Variants in PLCB1 observed in about 807,000 individuals in gnomAD.
The protein encoded by PLCB1 is phospholipase C beta 1.
Under a neutral mutation model 161.8 loss-of-function variants are expected in PLCB1, and 46 were observed. The ratio of observed to expected loss-of-function variants is 0.28; its 90% confidence interval spans 0.22 to 0.36. PLCB1 has a LOEUF of 0.36. PLCB1 is among the 10% of genes least tolerant of loss of function. The pLI is 1.00. For synonymous variants in PLCB1, 517 were observed against 503.7 expected, an observed-to-expected ratio of 1.03 and a Z score of -0.35; for missense variants, 1,016 against 1,472.5, an observed-to-expected ratio of 0.69 and a Z score of 5.07.
At chr20:8,312,215 AC>A (rs888694162) in intron 2 of PLCB1, among the ~76,000 whole-genome samples, 2 of 152,052 alleles carry the variant, frequency 1.3e-5, no homozygotes, top group Non-Finnish European at 2.9e-5. Flanking sequence ...CTACCCACCC[AC>A]CAATGACATC....
intron 31 of PLCB1, among the ~76,000 whole-genome samples, chr20:8,875,138 ATTTC>A (rs1475639073): frequency 6.6e-6 from 1 of 151,270 alleles, no homozygotes; most frequent in South Asian, 2.1e-4. Flanking sequence ...TTTGTATTTT[ATTTC>A]TTTTCCTATG....
intron 2 of PLCB1, among the ~76,000 whole-genome samples, chr20:8,261,275 G>A (rs892613051): frequency 2.6e-5 from 4 of 152,084 alleles, no homozygotes; most frequent in African/African-American, 9.7e-5. Context: ...GAGAGAGAGA[G>A]AGAAAGAGAA....
At chr20:8,354,335 A>C (rs1418244595) in intron 2 of PLCB1, among the ~76,000 whole-genome samples, 2 of 152,192 alleles carry the variant, frequency 1.3e-5, no homozygotes, top group African/African-American at 4.8e-5. Context: ...ACTAAAAACA[A>C]AATCTAAAAG....
At position 8,428,697 on chromosome 20, in the gene PLCB1, T is replaced by A. The variant is rs571385036; in HGVS notation, c.246+57247T>A. Among the ~76,000 whole-genome samples, 19 of 152,240 alleles carry A rather than the reference T, an allele frequency of 1.2e-4. No individual in the cohort carries two copies. The South Asian group carries it at 3.3e-3, about 27-fold the overall frequency. ...AGCCATGTAGAGGAATTGTGGCCGA[T>A]TGAATAGGAAGTTCTACCTGGTTCA... is the stretch of plus-strand genomic sequence containing the variant. On this transcript the variant is annotated intron_variant, in intron 3 of 31. Coordinates refer to ENST00000338037, the MANE Select transcript of PLCB1 (RefSeq NM_015192.4).
chr20:8,264,721 G>A (rs1981868696), intron 2 of PLCB1, among the ~76,000 whole-genome samples: 1 of 151,904 alleles, frequency 6.6e-6, no homozygotes, highest in Non-Finnish European at 1.5e-5. Context: ...GCACATGACT[G>A]TGTGTGTGTA....
At chr20:8,296,433 T>C (rs1568621570) in intron 2 of PLCB1, among the ~76,000 whole-genome samples, 1 of 152,170 alleles carries the variant, frequency 6.6e-6, no homozygotes, top group East Asian at 1.9e-4. Flanking sequence ...AGGACAAGTA[T>C]ATGCCCTCCA....
chr20:8,548,327 TTCTTTC>T (rs1170312965), intron 3 of PLCB1, among the ~76,000 whole-genome samples: 1 of 143,404 alleles, frequency 7.0e-6, no homozygotes, highest in African/African-American at 2.7e-5. Context: ...CCATCATTTT[TTCTTTC>T]TCTTTGTTTC....
At chr20:8,574,025 T>C (rs911960487) in intron 3 of PLCB1, among the ~76,000 whole-genome samples, 1 of 152,246 alleles carries the variant, frequency 6.6e-6, no homozygotes, top group Non-Finnish European at 1.5e-5. Context: ...GTTTGAAACA[T>C]ACAAATTAGA....
chr20:8,551,222 A>G (rs896246293), intron 3 of PLCB1, among the ~76,000 whole-genome samples: 2 of 152,160 alleles, frequency 1.3e-5, no homozygotes, highest in Admixed American at 1.3e-4. Flanking sequence ...AGGAAAAAAA[A>G]CATGATCTCT....
At position 8,542,988 on chromosome 20, in the gene PLCB1, A is replaced by G. The variant is rs529776442; in HGVS notation, c.247-85306A>G. ...GGCAGGCCATATCAAGGCATGGAGA[A>G]TACAGTGGTAAACAGAACAGATCAA... On this transcript the variant is annotated intron_variant, in intron 3 of 31. Coordinates refer to ENST00000338037, the MANE Select transcript of PLCB1 (RefSeq NM_015192.4). Among the ~76,000 whole-genome samples, 7 of 152,334 alleles carry G rather than the reference A, an allele frequency of 4.6e-5. No homozygotes were observed. In the South Asian group the frequency reaches 1.4e-3, roughly 32 times the overall value.
chr20:8,240,636 A>G (rs182366502), intron 2 of PLCB1, among the ~76,000 whole-genome samples: 100 of 152,126 alleles, frequency 6.6e-4, no homozygotes, highest in African/African-American at 1.6e-3. Flanking sequence ...TTTACATTTT[A>G]AGTGGCATTG....
intron 26 of PLCB1, among the ~76,000 whole-genome samples, chr20:8,770,911 T>G (rs1172436063): frequency 6.6e-6 from 1 of 152,190 alleles, no homozygotes; most frequent in Non-Finnish European, 1.5e-5. Context: ...TGTACATATT[T>G]GTTTATTCAT....
rs889613300 is a variant in PLCB1, at chr20:8,546,253, G to T, written c.247-82041G>T. ...TGCTTGAACCCAGGAGGCGGAGGTT[G>T]CAGTGAGCTGAGATCGCGCCACTGA... On this transcript the variant is annotated intron_variant, in intron 3 of 31. Transcript: ENST00000338037. Among the ~76,000 whole-genome samples, 4 of 146,916 alleles carry T rather than the reference G, an allele frequency of 2.7e-5. No individual in the cohort carries two copies. The South Asian group carries it at 8.9e-4, about 33-fold the overall frequency.
intron 2 of PLCB1, among the ~76,000 whole-genome samples, chr20:8,184,770 TTA>T (rs1372776879): frequency 3.0e-4 from 1 of 3,372 alleles, no homozygotes; most frequent in African/African-American, 0.01. Context: ...GGCAATACCT[TTA>T]TTATTATTAT....
chr20:8,867,652 C>T (rs750107933), intron 31 of PLCB1, among the ~76,000 whole-genome samples: 9 of 152,104 alleles, frequency 5.9e-5, no homozygotes, highest in East Asian at 1.9e-4. Context: ...TCCTCATGTG[C>T]GGCTAAATCA....
intron 3 of PLCB1, among the ~76,000 whole-genome samples, chr20:8,557,575 G>T (rs1196801248): frequency 6.6e-6 from 1 of 151,950 alleles, no homozygotes; most frequent in Non-Finnish European, 1.5e-5. Context: ...TGAGTACAGA[G>T]TTTCAGCTTT....
chr20:8,178,671 C>T (rs1307557680), intron 2 of PLCB1, among the ~76,000 whole-genome samples: 1 of 152,116 alleles, frequency 6.6e-6, no homozygotes, highest in African/African-American at 2.4e-5. Context: ...GTTTTCGTTG[C>T]AATTGCTTTT....
At chr20:8,318,472 C>A (rs1198824274) in intron 2 of PLCB1, among the ~76,000 whole-genome samples, 1 of 145,638 alleles carries the variant, frequency 6.9e-6, no homozygotes. Context: ...CTTTGGTAGT[C>A]ATCCAGCTTG....
In PLCB1 at chr20:8,352,623, A is replaced by G. The variant is rs141105969; in HGVS notation, c.178-18759A>G. ...ATCTATATTATAAATATAGACAACA[A>G]CCTTACTGAAGGCAATAAGGGAGGA... On this transcript the variant is annotated intron_variant, in intron 2 of 31. Transcript: ENST00000338037. 5.9e-3 allele frequency among the ~76,000 whole-genome samples: 894 copies of G among 152,196 alleles called. 5 individuals are homozygous for G. The highest frequency in any genetic ancestry group is 0.02 in the African/African-American group (837 of 41,550).
Sources: gnomAD v4.1 joint callset for allele counts (sites outside exome capture counted in the v4.1 genomes callset) on GRCh38, gnomAD v4.1.1 for gene constraint, MANE v1.5 for transcripts, NCBI Gene and HGNC (gene_info 2026-07-23, HGNC 2026-07-21) for gene names.